PHF24: variants seen among roughly 807,000 people sequenced by gnomAD.
PHF24 encodes PHD finger protein 24, also known as Galpha inhibitory interacting protein.
In PHF24, 25 loss-of-function variants were observed where a neutral mutation model predicts 42.6. The observed-to-expected ratio is 0.59, with a 90% confidence interval of 0.43 to 0.82. The LOEUF is 0.82. PHF24 is among the 40% of genes least tolerant of loss of function. PHF24 has a pLI of 0.00. For missense variants in PHF24, 470 were observed against 538.1 expected (o/e 0.87, Z 1.25); for synonymous variants, 185 against 204.8 (o/e 0.90, Z 0.83).
chr9:34,689,514 A>C, the PHF24 span: 1 of 309,960 alleles, frequency 3.2e-6, no homozygotes, highest in Admixed American at 4.7e-5. The surrounding 1 kb of genome is among the most constrained non-coding windows in gnomAD (Gnocchi z 4.1). Context: ...TTTTAAGGCT[A>C]GTTAAGCAGT....
chr9:34,859,258 T>C, the PHF24 span, among the ~76,000 whole-genome samples: 1 of 152,184 alleles, frequency 6.6e-6, no homozygotes, highest in Non-Finnish European at 1.5e-5. Flanking sequence ...TCTCTCCACC[T>C]GAAGTCTGAG....
At chr9:34,935,822 A>C in the PHF24 span, among the ~76,000 whole-genome samples, 1 of 151,910 alleles carries the variant, frequency 6.6e-6, no homozygotes, top group African/African-American at 2.4e-5. Flanking sequence ...TCCAGTACAG[A>C]TAAGAATGAT....
At chr9:34,781,485 T>C in the PHF24 span, among the ~76,000 whole-genome samples, 1 of 152,164 alleles carries the variant, frequency 6.6e-6, no homozygotes, top group Non-Finnish European at 1.5e-5. Context: ...GAAACAGAGT[T>C]TTTGTTTGGG....
At chr9:34,668,656 T>G in the PHF24 span, among the ~76,000 whole-genome samples, 1 of 152,204 alleles carries the variant, frequency 6.6e-6, no homozygotes, top group South Asian at 2.1e-4. Context: ...CTGCCTCTTG[T>G]TTTATTCCTA....
chr9:34,843,783 G>C, the PHF24 span, among the ~76,000 whole-genome samples: 1 of 151,898 alleles, frequency 6.6e-6, no homozygotes, highest in Non-Finnish European at 1.5e-5. Context: ...CATTGCCCAG[G>C]CTGGTCTTTA....
At chr9:34,734,117 T>A in the PHF24 span, among the ~76,000 whole-genome samples, 2 of 152,276 alleles carry the variant, frequency 1.3e-5, no homozygotes, top group East Asian at 3.9e-4. Context: ...TTTCTTGAAT[T>A]TGTCAGCAAG....
chr9:34,934,028 C>T, the PHF24 span, among the ~76,000 whole-genome samples: 3 of 152,162 alleles, frequency 2.0e-5, no homozygotes, highest in Non-Finnish European at 2.9e-5. Context: ...TTAGGTCCTT[C>T]CAGATGATAT....
At chr9:34,918,836 C>T in the PHF24 span, among the ~76,000 whole-genome samples, 2 of 152,262 alleles carry the variant, frequency 1.3e-5, no homozygotes, top group South Asian at 4.1e-4. Flanking sequence ...TGCATGATTT[C>T]AGCATGAACA....
chr9:34,759,865 G>A, the PHF24 span, among the ~76,000 whole-genome samples: 2 of 152,206 alleles, frequency 1.3e-5, no homozygotes, highest in African/African-American at 4.8e-5. Flanking sequence ...CAAGGGCTGA[G>A]CCAAAAATAG....
At chr9:34,832,821 C>A in the PHF24 span, 1 of 1,551,620 alleles carries the variant, frequency 6.4e-7, no homozygotes, top group South Asian at 1.2e-5. Flanking sequence ...TGGGGCACCA[C>A]AGTCTGGGTA....
At chr9:34,963,548 G>A (rs1041687586) in intron 1 of PHF24, among the ~76,000 whole-genome samples, 1 of 151,204 alleles carries the variant, frequency 6.6e-6, no homozygotes, top group Non-Finnish European at 1.5e-5. Context: ...CAGGACAAAG[G>A]AAGTGCATTT....
At chr9:34,865,993 A>G in the PHF24 span, among the ~76,000 whole-genome samples, 145,324 of 152,314 alleles carry the variant, frequency 0.95, 69,673 homozygotes, top group East Asian at 1. Context: ...CTCATGGAAG[A>G]TGACACACCT....
the PHF24 span, among the ~76,000 whole-genome samples, chr9:34,673,353 C>CA: frequency 1.4e-5 from 2 of 147,384 alleles, no homozygotes; most frequent in African/African-American, 5.0e-5. Context: ...GACTCTATTT[C>CA]AAAAAAAAAA....
the PHF24 span, among the ~76,000 whole-genome samples, chr9:34,828,863 TC>T: frequency 4.6e-4 from 67 of 146,506 alleles, 3 homozygotes; most frequent in East Asian, 0.013. Context: ...TCTTTAGATC[TC>T]TTCATTTACA....
the PHF24 span, among the ~76,000 whole-genome samples, chr9:34,788,348 T>C: frequency 3.9e-5 from 6 of 152,154 alleles, no homozygotes; most frequent in East Asian, 1.9e-4. Context: ...CAGCCAGCAG[T>C]AACTGTTTTT....
the PHF24 span, among the ~76,000 whole-genome samples, chr9:34,936,883 G>A: frequency 1.3e-5 from 2 of 150,112 alleles, no homozygotes; most frequent in Non-Finnish European, 3.0e-5. Flanking sequence ...CAGCCGCCCC[G>A]TCTGAGAAGT....
chr9:34,972,760 A>G (rs545899233), intron 3 of PHF24, among the ~76,000 whole-genome samples: 1 of 152,126 alleles, frequency 6.6e-6, no homozygotes, highest in South Asian at 2.1e-4. Context: ...CTAAAAATAC[A>G]AAAATTAGCT....
the PHF24 span, among the ~76,000 whole-genome samples, chr9:34,706,405 A>G: frequency 6.6e-6 from 1 of 152,240 alleles, no homozygotes; most frequent in Admixed American, 6.5e-5. Flanking sequence ...ATATGGCACT[A>G]AGAAATAGCA....
intron 1 of PHF24, among the ~76,000 whole-genome samples, chr9:34,960,946 A>C (rs894769196): frequency 6.6e-6 from 1 of 152,204 alleles, no homozygotes; most frequent in Non-Finnish European, 1.5e-5. Context: ...GTTTCATTTG[A>C]GCTTACCCAA....
Sources: gnomAD v4.1 joint callset for allele counts (sites outside exome capture counted in the v4.1 genomes callset) on GRCh38, gnomAD v4.1.1 for gene constraint, Gnocchi (gnomAD v3.1) non-coding constraint, MANE v1.5 for transcripts, NCBI Gene and HGNC (gene_info 2026-07-23, HGNC 2026-07-21) for gene names.